Variants in ZNF738 observed in about 807,000 individuals in gnomAD.
ZNF738 encodes zinc finger protein 738.
Under a neutral mutation model 9.2 loss-of-function variants are expected in ZNF738, and 10 were observed. The observed-to-expected ratio is 1.09, with a 90% CI of 0.67 to 1.85. The LOEUF (loss-of-function observed/expected upper bound fraction) is 1.85, where lower values mean the gene tolerates loss of function less well. Ranked by LOEUF, ZNF738 falls within the 40% of genes most tolerant of loss-of-function variation. The probability of loss-of-function intolerance (pLI) is 0.00; values close to 1 mark genes in which losing one functional copy is unlikely to be tolerated. For missense variants in ZNF738, 346 were observed against 283.6 expected, an observed-to-expected ratio of 1.22 and a Z score of -1.58; for synonymous variants, 113 against 94.5, an observed-to-expected ratio of 1.20 and a Z score of -1.14.
intron 2 of ZNF738, among the ~76,000 whole-genome samples, chr19:21,366,335 G>A (rs866038673): frequency 2.6e-5 from 4 of 152,156 alleles, no homozygotes; most frequent in Non-Finnish European, 4.4e-5. Context: ...TCCTTGCCTT[G>A]TTTTAGAGGC....
intron 2 of ZNF738, among the ~76,000 whole-genome samples, chr19:21,363,954 T>C (rs1014780917): frequency 2.6e-5 from 4 of 151,278 alleles, no homozygotes; most frequent in Admixed American, 6.6e-5. Context: ...CCCAGCACTT[T>C]GTGAGGCTGA....
chr19:21,382,731 TA>T (rs1371142532), intron 4 of ZNF738, 134 bp from the exon 5 acceptor site: 2 of 180,624 alleles, frequency 1.1e-5, no homozygotes, highest in African/African-American at 4.8e-5. Context: ...TATATGTCTA[TA>T]AAAAATTAGG....
intron 2 of ZNF738, 82 bp from the exon 3 acceptor site, chr19:21,375,156 A>G (rs1973908307): frequency 2.8e-6 from 2 of 726,848 alleles, no homozygotes; most frequent in South Asian, 2.5e-5. Context: ...AATTTTCTTT[A>G]CTCTCTCATT....
intron 2 of ZNF738, among the ~76,000 whole-genome samples, chr19:21,373,049 G>A (rs1973877156): frequency 6.6e-6 from 1 of 152,092 alleles, no homozygotes; most frequent in South Asian, 2.1e-4. Flanking sequence ...ATGAGCCCAA[G>A]GGGAGCAACA....
rs1235712201 is a variant in ZNF738, at chr19:21,375,928, A to G, written c.283A>G (p.Asn95Asp). The change falls in exon 4 of 5, where the codon AAT becomes GAT. Residue 95 changes from asparagine (N) to aspartate (D), a missense_variant. Transcript: ENST00000683779. ...TCTGGAGCAAGGAAAAGATCCCTGG[A>G]ATATGAAGAGACACAGTATGGTAGC... ...TCLEQGKDPW[N>D]MKRHSMVATP... 1.3e-6 allele frequency: 1 copy of G among 797,594 alleles called. No homozygotes were observed. The allele number at this position is 797,594 out of a possible 1,614,324, so 49.4% of individuals were successfully genotyped here. A position where few individuals can be genotyped will look rare whatever the true frequency, so the allele number is the denominator to read the frequency against.
Position 21,383,170 on chromosome 19 carries a change from A to T in ZNF738, c.624A>T (p.Lys208Asn), listed in dbSNP as rs1210405724. 2 of 1,600,442 alleles carry T rather than the reference A, an allele frequency of 1.2e-6. No individual in the cohort carries two copies. Among genetic ancestry groups the T allele is most frequent in the African/African-American group, 2.7e-5 (2 of 74,658 alleles). The change falls in exon 5 of 5, where the codon AAA (lysine) becomes AAT (asparagine). Residue 208 changes from lysine to asparagine, a missense_variant. Transcript: ENST00000683779. ...HTGKKPFKCKKCGKSFCMLLH... is the reference protein window; with the variant it reads ...HTGKKPFKCKNCGKSFCMLLH... ...GAAAGAAACCTTTCAAATGTAAAAA[A>T]TGTGGCAAATCATTTTGCATGCTTT...
chr19:21,364,912 ATTTTTTTTTTT>A (rs71176864), intron 2 of ZNF738, among the ~76,000 whole-genome samples: 1 of 99,246 alleles, frequency 1.0e-5, no homozygotes, highest in Non-Finnish European at 2.0e-5. Flanking sequence ...TACCCAGCTA[ATTTTTTTTTTT>A]TTTTTTTTTT....
chr19:21,378,712 A>C, intron 4 of ZNF738: 1 of 327,270 alleles, frequency 3.1e-6, no homozygotes. Context: ...CAGTTCTCCT[A>C]CCTCAGCCTC....
intron 4 of ZNF738, among the ~76,000 whole-genome samples, chr19:21,379,517 C>T (rs1318028199): frequency 1.3e-5 from 2 of 152,134 alleles, no homozygotes; most frequent in Middle Eastern, 6.3e-3. Context: ...TTTCTGTGGT[C>T]CTGCAGTCTC....
At chr19:21,364,948 CAG>C (rs370695756) in intron 2 of ZNF738, among the ~76,000 whole-genome samples, 3 of 121,596 alleles carry the variant, frequency 2.5e-5, no homozygotes, top group South Asian at 2.6e-4. Context: ...TTAGTAGAGA[CAG>C]GGTTTCACCG....
intron 4 of ZNF738, chr19:21,381,537 A>C: frequency 1.3e-6 from 1 of 755,932 alleles, no homozygotes; most frequent in South Asian, 1.6e-5. Context: ...TCTGTCACCC[A>C]GGCTGCAGTG....
chr19:21,376,103 T>G (rs1263866226), intron 4 of ZNF738, 139 bp downstream of exon 4: 1 of 472,558 alleles, frequency 2.1e-6, no homozygotes, highest in Non-Finnish European at 3.9e-6. Context: ...GTGTGTGGTT[T>G]TTTTGTTTGT....
chr19:21,363,886 A>T (rs2928215), intron 2 of ZNF738, among the ~76,000 whole-genome samples: 1 of 22,320 alleles, frequency 4.5e-5, no homozygotes, highest in Non-Finnish European at 7.3e-5. Flanking sequence ...GACTCCATTT[A>T]AAAAAAAAAA....
chr19:21,360,221 A>G (rs1759769735), intron 1 of ZNF738, among the ~76,000 whole-genome samples: 1 of 151,800 alleles, frequency 6.6e-6, no homozygotes, highest in Non-Finnish European at 1.5e-5. Context: ...GACTAGAGAA[A>G]CCTCAGTCTA....
intron 4 of ZNF738, 92 bp downstream of exon 4, chr19:21,376,056 C>G (rs1973924123): frequency 3.6e-6 from 2 of 560,774 alleles, no homozygotes. Context: ...ATTTGGGAAG[C>G]TGTGTTCCAA....
chr19:21,363,338 A>G (rs1973725049), intron 2 of ZNF738, among the ~76,000 whole-genome samples: 1 of 152,150 alleles, frequency 6.6e-6, no homozygotes, highest in African/African-American at 2.4e-5. Flanking sequence ...TAGGGCTTAT[A>G]TTGAGACTGT....
At position 21,361,792 on chromosome 19, in the gene ZNF738, T is replaced by C. The variant is rs1243783607; in HGVS notation, c.30T>C (p.Pro10=). 2 of 780,736 alleles carry C rather than the reference T, an allele frequency of 2.6e-6. No homozygotes were observed. The highest frequency in any genetic ancestry group is 4.8e-6 in the Non-Finnish European group (2 of 418,036). 48.4% of individuals were successfully genotyped at this position (780,736 alleles called of 1,614,324 possible). ...ACGACCTGAGGTATGGAGTGTATCC[T>C]GTCAAGGGGGCAAGTGGATACCCTG... MDDLRYGVY[P]VKGASGYPGA... is the part of the protein sequence containing the mutation. Residue 10 remains proline, a synonymous_variant, in exon 2 of 5, where the codon CCT becomes CCC. Transcript: ENST00000683779.
chr19:21,372,653 A>AC (rs1973871473), intron 2 of ZNF738: 2 of 152,222 alleles, frequency 1.3e-5, no homozygotes, highest in Admixed American at 1.3e-4. Flanking sequence ...AAACATAAAC[A>AC]CAAAAAAATT....
chr19:21,367,235 C>G (rs1473056798), intron 2 of ZNF738, among the ~76,000 whole-genome samples: 2 of 152,126 alleles, frequency 1.3e-5, no homozygotes, highest in African/African-American at 4.8e-5. Flanking sequence ...TACATTTCTT[C>G]TATTTGACTT....
Sources: allele counts gnomAD v4.1 joint callset (sites outside exome capture counted in the v4.1 genomes callset), GRCh38; gene constraint gnomAD v4.1.1; transcripts MANE v1.5; gene names NCBI Gene and HGNC (gene_info 2026-07-23, HGNC 2026-07-21).